The following SCFD2 variants were observed in gnomAD, a reference collection of about 807,000 sequenced individuals.
The protein encoded by SCFD2 is sec1 family domain-containing protein 2.
In SCFD2, 54 loss-of-function variants were observed where a neutral mutation model predicts 58.9. That is an observed-to-expected ratio of 0.92 (90% CI 0.74 to 1.15). SCFD2 has a LOEUF of 1.15. SCFD2 is among the 50% of genes most tolerant of loss of function. The probability of loss-of-function intolerance (pLI) is 0.00; values close to 1 mark genes in which losing one functional copy is unlikely to be tolerated. For missense variants in SCFD2, 805 were observed against 836.6 expected, an observed-to-expected ratio of 0.96 and a Z score of 0.47; for synonymous variants, 321 against 335.9, an observed-to-expected ratio of 0.96 and a Z score of 0.49.
At chr4:53,350,088 T>C (rs1249738025) in intron 2 of SCFD2, among the ~76,000 whole-genome samples, 1 of 152,216 alleles carries the variant, frequency 6.6e-6, no homozygotes, top group East Asian at 1.9e-4. Context: ...ATGATGCCTG[T>C]TACACAAAAG....
chr4:53,258,144 G>A (rs1215009993), intron 4 of SCFD2, among the ~76,000 whole-genome samples: 1 of 152,180 alleles, frequency 6.6e-6, no homozygotes, highest in Non-Finnish European at 1.5e-5. Flanking sequence ...AACCTTGATA[G>A]CATCAAGTTT....
intron 5 of SCFD2, among the ~76,000 whole-genome samples, chr4:53,053,189 C>T (rs1302292736): frequency 1.3e-5 from 2 of 149,488 alleles, no homozygotes; most frequent in Non-Finnish European, 3.0e-5. Flanking sequence ...CATGCCACTG[C>T]ACTCCAGCCT....
intron 5 of SCFD2, among the ~76,000 whole-genome samples, chr4:53,006,066 T>C (rs1721965116): frequency 6.6e-6 from 1 of 152,212 alleles, no homozygotes; most frequent in African/African-American, 2.4e-5. Context: ...TGCAATCTGC[T>C]TTGGGAACCA....
At chr4:53,326,961 C>A (rs900112) in intron 2 of SCFD2, among the ~76,000 whole-genome samples, 151,679 of 151,680 alleles carry the variant, frequency 1, 75,839 homozygotes, top group Non-Finnish European at 1. Context: ...TTAAGTTTAA[C>A]AACAACCAAG....
intron 4 of SCFD2, among the ~76,000 whole-genome samples, chr4:53,172,515 TC>T (rs1560368622): frequency 6.6e-6 from 1 of 152,172 alleles, no homozygotes; most frequent in East Asian, 1.9e-4. Context: ...TTTTACTGTA[TC>T]CATTAAGTTT....
At chr4:53,007,587 G>A (rs1474694327) in intron 5 of SCFD2, among the ~76,000 whole-genome samples, 1 of 152,066 alleles carries the variant, frequency 6.6e-6, no homozygotes, top group Non-Finnish European at 1.5e-5. Context: ...GTATGTTCTG[G>A]GGCAATCTAC....
At chr4:53,314,222 C>G (rs1205889691) in intron 2 of SCFD2, among the ~76,000 whole-genome samples, 3 of 152,176 alleles carry the variant, frequency 2.0e-5, no homozygotes, top group South Asian at 2.1e-4. Context: ...GCATTTCATT[C>G]AAAAATTACT....
intron 2 of SCFD2, among the ~76,000 whole-genome samples, chr4:53,318,254 C>CT (rs945057744): frequency 6.6e-6 from 1 of 152,162 alleles, no homozygotes; most frequent in Non-Finnish European, 1.5e-5. Flanking sequence ...CTTACAAAGA[C>CT]TTTTAAGCAA....
At position 53,031,029 on chromosome 4, in the gene SCFD2, G is replaced by A. The variant is rs367891524; in HGVS notation, c.1562-110159C>T. ...AGCTATATTTAAAAGGCTACATCCA[G>A]GAGAGCTCTGGCTGGCATCTGGTAG... On this transcript the variant is annotated intron_variant, in intron 5 of 8. Coordinates refer to ENST00000401642, the MANE Select transcript of SCFD2 (RefSeq NM_152540.4). Among the ~76,000 whole-genome samples, 4 of 152,298 alleles carry A rather than the reference G, an allele frequency of 2.6e-5. No individual in the cohort carries two copies. The East Asian group carries it at 5.8e-4, about 22-fold the overall frequency.
intron 4 of SCFD2, among the ~76,000 whole-genome samples, chr4:53,267,820 A>G (rs571398999): frequency 6.6e-6 from 1 of 152,346 alleles, no homozygotes; most frequent in Admixed American, 6.5e-5. Flanking sequence ...CTAATAGTCT[A>G]AGAGTCTAAT....
At chr4:53,160,479 A>G (rs1726820550) in intron 4 of SCFD2, among the ~76,000 whole-genome samples, 1 of 152,234 alleles carries the variant, frequency 6.6e-6, no homozygotes, top group South Asian at 2.1e-4. Flanking sequence ...TACGGAGTAT[A>G]AGCAAAAGAG....
intron 4 of SCFD2, among the ~76,000 whole-genome samples, chr4:53,249,839 A>C (rs1191253836): frequency 2.0e-5 from 3 of 152,350 alleles, no homozygotes; most frequent in South Asian, 2.1e-4. Context: ...CCAGCCACTG[A>C]AAAATCATGA....
At chr4:53,008,697 C>T (rs929604821) in intron 5 of SCFD2, among the ~76,000 whole-genome samples, 2 of 152,062 alleles carry the variant, frequency 1.3e-5, no homozygotes, top group African/African-American at 4.8e-5. Flanking sequence ...GAAAAAAAAG[C>T]ACAAATCTAC....
intron 5 of SCFD2, among the ~76,000 whole-genome samples, chr4:52,968,151 T>C (rs926289174): frequency 1.3e-5 from 2 of 152,214 alleles, no homozygotes; most frequent in African/African-American, 4.8e-5. Flanking sequence ...CAATGTTTGC[T>C]CATTCCATTT....
intron 4 of SCFD2, among the ~76,000 whole-genome samples, chr4:53,174,065 A>G (rs1446869973): frequency 6.6e-6 from 1 of 152,192 alleles, no homozygotes; most frequent in Non-Finnish European, 1.5e-5. Context: ...AGTCAAAAAC[A>G]TATTTGAAAT....
chr4:53,276,660 T>A (rs138907083), intron 3 of SCFD2, among the ~76,000 whole-genome samples: 2 of 152,066 alleles, frequency 1.3e-5, no homozygotes, highest in Non-Finnish European at 2.9e-5. Flanking sequence ...GTTCCCCTCT[T>A]AGTGTCCATG....
At chr4:53,283,236 A>G (rs546613702) in intron 3 of SCFD2, among the ~76,000 whole-genome samples, 2 of 152,336 alleles carry the variant, frequency 1.3e-5, no homozygotes, top group East Asian at 3.9e-4. Flanking sequence ...TAAACTTAAT[A>G]TAAATGGAAT....
chr4:53,314,724 GAC>G (rs1732804369), intron 2 of SCFD2, among the ~76,000 whole-genome samples: 1 of 152,084 alleles, frequency 6.6e-6, no homozygotes, highest in Non-Finnish European at 1.5e-5. Flanking sequence ...TACCTAATAA[GAC>G]ATATCTTCCA....
At chr4:53,228,430 C>T (rs1560397565) in intron 4 of SCFD2, among the ~76,000 whole-genome samples, 2 of 152,140 alleles carry the variant, frequency 1.3e-5, no homozygotes, top group South Asian at 4.1e-4. Context: ...CAAGTTGTCA[C>T]TTAAACTTGT....
Sources: gnomAD v4.1 joint callset for allele counts (sites outside exome capture counted in the v4.1 genomes callset) on GRCh38, gnomAD v4.1.1 for gene constraint, MANE v1.5 for transcripts, NCBI Gene and HGNC (gene_info 2026-07-23, HGNC 2026-07-21) for gene names.